The following MAGI2 variants were observed in gnomAD, a reference collection of about 807,000 sequenced individuals.
MAGI2 encodes membrane-associated guanylate kinase, WW and PDZ domain-containing protein 2.
Under a neutral mutation model 133.3 loss-of-function variants are expected in MAGI2, and 35 were observed. The ratio of observed to expected loss-of-function variants is 0.26; its 90% CI spans 0.20 to 0.35. The LOEUF is 0.35. Ranked by LOEUF, MAGI2 falls within the 10% of genes least tolerant of loss-of-function variation. The probability of loss-of-function intolerance (pLI) is 1.00; values close to 1 mark genes in which losing one functional copy is unlikely to be tolerated. For missense variants in MAGI2, 1,636 were observed against 1,863.4 expected, an observed-to-expected ratio of 0.88 and a Z score of 2.25; for synonymous variants, 729 against 710.6, an observed-to-expected ratio of 1.03 and a Z score of -0.41.
At chr7:78,172,489 A>G (rs969760422) in intron 14 of MAGI2, among the ~76,000 whole-genome samples, 1 of 152,210 alleles carries the variant, frequency 6.6e-6, no homozygotes, top group Non-Finnish European at 1.5e-5. Context: ...CTCAGCTCAC[A>G]GCTGGAAATC....
intron 2 of MAGI2, among the ~76,000 whole-genome samples, chr7:78,724,823 A>C (rs1820612245): frequency 1.3e-5 from 2 of 152,212 alleles, no homozygotes. Context: ...GCATAACAGC[A>C]CTTGCCAGTT....
intron 1 of MAGI2, among the ~76,000 whole-genome samples, chr7:79,057,511 A>G (rs1311041245): frequency 1.3e-5 from 2 of 152,238 alleles, no homozygotes; most frequent in Admixed American, 1.3e-4. Context: ...TTCTTACAAG[A>G]GAAAAGTAAT....
chr7:78,583,643 A>T (rs1442966506), intron 3 of MAGI2: 1 of 152,248 alleles, frequency 6.6e-6, no homozygotes, highest in Non-Finnish European at 1.5e-5. Context: ...AACAAAGTGA[A>T]GGACAAGATT....
chr7:79,121,293 C>G (rs145152776), intron 1 of MAGI2, among the ~76,000 whole-genome samples: 145 of 152,212 alleles, frequency 9.5e-4, no homozygotes, highest in African/African-American at 3.1e-3. Flanking sequence ...ATTCAGTGAA[C>G]TTTTGAGAGC....
intron 2 of MAGI2, among the ~76,000 whole-genome samples, chr7:78,952,212 C>A (rs950336994): frequency 6.6e-6 from 1 of 152,122 alleles, no homozygotes; most frequent in African/African-American, 2.4e-5. Context: ...TCTTACAACT[C>A]CAGAGATTCT....
intron 7 of MAGI2, among the ~76,000 whole-genome samples, chr7:78,362,016 AG>A (rs1181481206): frequency 1.3e-5 from 2 of 151,986 alleles, no homozygotes; most frequent in Admixed American, 1.3e-4. Flanking sequence ...AAAACATTTG[AG>A]GGGGCTGGGT....
intron 2 of MAGI2, among the ~76,000 whole-genome samples, chr7:78,745,274 T>C (rs1263804474): frequency 6.6e-6 from 1 of 152,286 alleles, no homozygotes. Flanking sequence ...TGCTAAGCGG[T>C]AGAGCTCAGA....
intron 2 of MAGI2, among the ~76,000 whole-genome samples, chr7:78,804,728 A>G (rs1490946862): frequency 5.9e-5 from 8 of 134,498 alleles, no homozygotes; most frequent in African/African-American, 8.7e-5. Context: ...TAGCCTGGGC[A>G]ACAGAGCGAG....
intron 1 of MAGI2, among the ~76,000 whole-genome samples, chr7:79,235,718 A>G (rs542555301): frequency 9.9e-5 from 15 of 152,246 alleles, no homozygotes; most frequent in Non-Finnish European, 1.5e-4. Context: ...AGATGAACCC[A>G]GTACCTCAGA....
chr7:78,120,427 A>C (rs1269916054), intron 20 of MAGI2, among the ~76,000 whole-genome samples: 3 of 152,134 alleles, frequency 2.0e-5, no homozygotes, highest in Non-Finnish European at 4.4e-5. Context: ...AACACTTGAC[A>C]AGAAAATTCT....
At chr7:78,995,044 T>C (rs1806151027) in intron 2 of MAGI2, among the ~76,000 whole-genome samples, 1 of 152,030 alleles carries the variant, frequency 6.6e-6, no homozygotes, top group Non-Finnish European at 1.5e-5. Context: ...GCAAGAAGAA[T>C]TCAGAAAGTT....
chr7:78,165,154 C>T (rs2526739), intron 15 of MAGI2, among the ~76,000 whole-genome samples: 3,334 of 152,250 alleles, frequency 0.022, 120 homozygotes, highest in African/African-American at 0.077. Flanking sequence ...TACTCAACAA[C>T]TTCTCACTTT....
intron 1 of MAGI2, among the ~76,000 whole-genome samples, chr7:79,171,770 A>ATATATATATATATATATTTTTTTTTT: frequency 2.9e-4 from 9 of 31,216 alleles, no homozygotes; most frequent in Non-Finnish European, 4.4e-4. Flanking sequence ...ATATATATAT[A>ATATATATATATATATATTTTTTTTTT]TTTTTTTTTT....
At chr7:79,135,634 A>C (rs1166561804) in intron 1 of MAGI2, among the ~76,000 whole-genome samples, 1 of 152,094 alleles carries the variant, frequency 6.6e-6, no homozygotes, top group Non-Finnish European at 1.5e-5. Flanking sequence ...TCTGAAAAAC[A>C]ATCTTTACAA....
At chr7:78,570,651 A>G (rs189131630) in intron 3 of MAGI2, among the ~76,000 whole-genome samples, 5 of 152,306 alleles carry the variant, frequency 3.3e-5, no homozygotes, top group African/African-American at 1.2e-4. Context: ...TGGTTCCACA[A>G]AATTTACTTT....
intron 1 of MAGI2, among the ~76,000 whole-genome samples, chr7:79,384,612 T>C (rs186954070): frequency 9.3e-4 from 141 of 151,776 alleles, no homozygotes; most frequent in African/African-American, 3.3e-3. Flanking sequence ...CATTAGCTAT[T>C]GAATTTCACT....
chr7:78,604,703 G>T (rs971764361), intron 3 of MAGI2, among the ~76,000 whole-genome samples: 2 of 152,176 alleles, frequency 1.3e-5, no homozygotes, highest in African/African-American at 4.8e-5. Flanking sequence ...AATGAAGCAG[G>T]AAACAGGCAC....
rs78857616 is a variant in MAGI2, at chr7:78,925,191, T to G, written c.418+81899A>C. Among the ~76,000 whole-genome samples, 7 of 152,190 alleles carry G rather than the reference T, an allele frequency of 4.6e-5. No individual in the cohort carries two copies. The East Asian group carries it at 1.4e-3, about 29-fold the overall frequency. On this transcript the variant is annotated intron_variant, in intron 2 of 21. Transcript: ENST00000354212. ...TCCAGTGGGAAAGCGACCTTGAGTT[T>G]GCAATGGCAGTTCAGGATTCATCAC... is the stretch of plus-strand genomic sequence containing the variant.
intron 1 of MAGI2, among the ~76,000 whole-genome samples, chr7:79,274,423 A>G (rs1835089780): frequency 6.6e-6 from 1 of 151,992 alleles, no homozygotes; most frequent in Admixed American, 6.6e-5. Flanking sequence ...ATCATTATTT[A>G]TTAGATCATG....
Sources: allele counts gnomAD v4.1 joint callset (sites outside exome capture counted in the v4.1 genomes callset), GRCh38; gene constraint gnomAD v4.1.1; transcripts MANE v1.5; gene names NCBI Gene and HGNC (gene_info 2026-07-23, HGNC 2026-07-21).